Variants in OR10J1 observed in about 807,000 individuals in gnomAD.
The protein encoded by OR10J1 is olfactory receptor 10J1.
For synonymous variants in OR10J1, 202 were observed against 143.8 expected (o/e 1.40, Z -2.89); for missense variants, 474 against 376.6 (o/e 1.26, Z -2.14).
At chr1:159,428,367 A>G in the OR10J1 span, among the ~76,000 whole-genome samples, 1 of 152,096 alleles carries the variant, frequency 6.6e-6, no homozygotes, top group Non-Finnish European at 1.5e-5. Context: ...ACACAATAAA[A>G]CTTATATTTT....
the OR10J1 span, among the ~76,000 whole-genome samples, chr1:159,420,508 T>C: frequency 8.3e-4 from 126 of 152,282 alleles, no homozygotes; most frequent in Non-Finnish European, 1.4e-3. Flanking sequence ...GTTTTTACAT[T>C]TTCATGTATT....
At chr1:159,413,282 G>C in the OR10J1 span, among the ~76,000 whole-genome samples, 1 of 152,004 alleles carries the variant, frequency 6.6e-6, no homozygotes, top group Non-Finnish European at 1.5e-5. Context: ...TCAGTGTGGC[G>C]ATTCCTCAGG....
chr1:159,413,152 C>A, the OR10J1 span, among the ~76,000 whole-genome samples: 1 of 152,222 alleles, frequency 6.6e-6, no homozygotes, highest in Non-Finnish European at 1.5e-5. Flanking sequence ...CCACCTCACA[C>A]TTGTTAGAAT....
chr1:159,412,327 GA>G, the OR10J1 span, among the ~76,000 whole-genome samples: 13,863 of 150,978 alleles, frequency 0.092, 2,125 homozygotes, highest in African/African-American at 0.32. Flanking sequence ...CACAGAATTG[GA>G]AAAAACTACT....
chr1:159,410,737 C>T, the OR10J1 span, among the ~76,000 whole-genome samples: 2 of 150,674 alleles, frequency 1.3e-5, no homozygotes, highest in South Asian at 4.2e-4. Flanking sequence ...TTGTCTTCTG[C>T]TAGCTTTTGA....
chr1:159,403,640 A>G, the OR10J1 span, among the ~76,000 whole-genome samples: 1 of 152,210 alleles, frequency 6.6e-6, no homozygotes, highest in East Asian at 1.9e-4. Context: ...ATGTGGAGAA[A>G]AGGGAACACT....
At chr1:159,430,668 T>TGCGC in the OR10J1 span, among the ~76,000 whole-genome samples, 222 of 69,686 alleles carry the variant, frequency 3.2e-3, 1 homozygote, top group East Asian at 0.02. Context: ...TGTGTGTGTG[T>TGCGC]GCGCGCGCGC....
chr1:159,407,433 T>G, the OR10J1 span, among the ~76,000 whole-genome samples: 1 of 152,260 alleles, frequency 6.6e-6, no homozygotes, highest in South Asian at 2.1e-4. Flanking sequence ...TTAAATCCAT[T>G]AATATCTCAA....
In OR10J1 at chr1:159,440,520, C is replaced by A; in HGVS notation, c.729C>A (p.His243Gln). The A allele has an allele frequency of 6.2e-6, 10 of 1,614,120 alleles. No homozygotes were observed. Among genetic ancestry groups the A allele is most frequent in the Non-Finnish European group, 8.5e-6 (10 of 1,180,020 alleles). ...AGGCTTTTGCCACCTGTGCATCCCA[C>A]CTCACTGTGGTCATTGTCCACTACA... is the stretch of plus-strand genomic sequence containing the variant. ...RKKAFATCAS[H>Q]LTVVIVHYSC... is the part of the protein sequence containing the mutation. The change falls in exon 1 of 1, where the codon CAC becomes CAA. Residue 243 changes from histidine (H) to glutamine (Q), a missense_variant. His to Gln is a conservative substitution (Grantham distance 24, BLOSUM62 0). Coordinates refer to ENST00000423932, the MANE Select transcript of OR10J1 (RefSeq NM_012351.3).
the OR10J1 span, among the ~76,000 whole-genome samples, chr1:159,429,476 A>G: frequency 6.6e-6 from 1 of 152,220 alleles, no homozygotes; most frequent in South Asian, 2.1e-4. Context: ...TGCGATCATG[A>G]GGCATGAGTC....
chr1:159,434,412 T>G (rs1655678136), upstream of OR10J1, among the ~76,000 whole-genome samples: 1 of 152,202 alleles, frequency 6.6e-6, no homozygotes, highest in South Asian at 2.1e-4. Context: ...AGTTTAGGAA[T>G]AGTGTATTAT....
At chr1:159,439,605 A>G, upstream of OR10J1, 1 of 691,644 alleles carries the variant, frequency 1.4e-6, no homozygotes, top group Admixed American at 2.9e-5. Flanking sequence ...ACAGATGGTC[A>G]CAGAGTAAAA....
Position 159,440,894 on chromosome 1 carries a change from G to C in OR10J1, c.*173G>C, listed in dbSNP as rs951838377. On this transcript the variant is annotated 3_prime_UTR_variant, in exon 1 of 1. Coordinates refer to ENST00000423932, the MANE Select transcript of OR10J1 (RefSeq NM_012351.3). ...AAGCTTTAAATAAAGTTACTGGATGGAGTGTTATCCCTATTTTTGGGGATA... is the reference window on the plus strand; with the variant it reads ...AAGCTTTAAATAAAGTTACTGGATGCAGTGTTATCCCTATTTTTGGGGATA... 54 of 633,518 alleles carry C rather than the reference G, an allele frequency of 8.5e-5. No homozygotes were observed. The highest frequency in any genetic ancestry group is 1.2e-4 in the Non-Finnish European group (48 of 384,698). The allele number at this position is 633,518 out of a possible 1,614,324, so 39.2% of individuals were successfully genotyped here. A position where few individuals can be genotyped will look rare whatever the true frequency, so the allele number is the denominator to read the frequency against.
chr1:159,407,859 T>C, the OR10J1 span, among the ~76,000 whole-genome samples: 6 of 152,050 alleles, frequency 3.9e-5, no homozygotes, highest in Non-Finnish European at 1.5e-5. Flanking sequence ...ATTTACTGAG[T>C]GAATAAAGCA....
the OR10J1 span, among the ~76,000 whole-genome samples, chr1:159,426,085 G>C: frequency 0.015 from 2,346 of 151,970 alleles, 52 homozygotes; most frequent in East Asian, 0.062. Flanking sequence ...AGTGTGCATA[G>C]TAAACAATGG....
At chr1:159,436,380 C>A (rs1655738370), upstream of OR10J1, among the ~76,000 whole-genome samples, 1 of 152,106 alleles carries the variant, frequency 6.6e-6, no homozygotes, top group Non-Finnish European at 1.5e-5. Flanking sequence ...CTCCTTTGAG[C>A]CACACATTGA....
At chr1:159,410,910 A>T in the OR10J1 span, among the ~76,000 whole-genome samples, 1 of 150,966 alleles carries the variant, frequency 6.6e-6, no homozygotes, top group Non-Finnish European at 1.5e-5. Context: ...CTTTGTTGTC[A>T]TTGGTTTCAA....
At chr1:159,400,985 C>T in the OR10J1 span, among the ~76,000 whole-genome samples, 1 of 151,822 alleles carries the variant, frequency 6.6e-6, no homozygotes, top group Non-Finnish European at 1.5e-5. Context: ...TATACAAATA[C>T]ATAAAAGTTA....
At chr1:159,406,151 G>GGT in the OR10J1 span, 1 of 486,916 alleles carries the variant, frequency 2.1e-6, no homozygotes, top group Non-Finnish European at 4.2e-6. Context: ...CCATGTAGCA[G>GGT]GTCTCAGAGA....
Sources: allele counts gnomAD v4.1 joint callset (sites outside exome capture counted in the v4.1 genomes callset), GRCh38; gene constraint gnomAD v4.1.1; transcripts MANE v1.5; gene names NCBI Gene and HGNC (gene_info 2026-07-23, HGNC 2026-07-21).